GSTCD: variants seen among roughly 807,000 people sequenced by gnomAD.
GSTCD encodes glutathione S-transferase C-terminal domain-containing protein.
Under a neutral mutation model 68.3 loss-of-function variants are expected in GSTCD, and 44 were observed. The observed-to-expected ratio is 0.64, with a 90% CI of 0.51 to 0.83. GSTCD has a LOEUF of 0.83. Ranked by LOEUF, GSTCD falls within the 40% of genes least tolerant of loss-of-function variation. The pLI is 0.00. For synonymous variants in GSTCD, 273 were observed against 255.2 expected (o/e 1.07, Z -0.67); for missense variants, 739 against 735.9 (o/e 1.00, Z -0.05).
chr4:105,723,705 TTAAATAATATGTAAAAAAATATA>T (rs1300728454), intron 3 of GSTCD, among the ~76,000 whole-genome samples: 1 of 151,678 alleles, frequency 6.6e-6, no homozygotes, highest in Non-Finnish European at 1.5e-5. Flanking sequence ...ATGTATATCT[TTAAATAATATGTAAAAAAATATA>T]TAAATAATTA....
At chr4:105,795,008 G>A (rs997254660) in intron 5 of GSTCD, among the ~76,000 whole-genome samples, 1 of 151,692 alleles carries the variant, frequency 6.6e-6, no homozygotes, top group Non-Finnish European at 1.5e-5. Context: ...CTGAGTAGCT[G>A]GGATTACAGG....
chr4:105,822,823 A>ATATG (rs1012808490), intron 5 of GSTCD, 131 bp from the exon 6 acceptor site: 20 of 552,994 alleles, frequency 3.6e-5, no homozygotes, highest in East Asian at 3.5e-4. Context: ...TTATTATTTT[A>ATATG]TATGTATGTA....
intron 5 of GSTCD, among the ~76,000 whole-genome samples, chr4:105,757,148 A>G (rs1465831751): frequency 1.3e-5 from 2 of 152,168 alleles, no homozygotes; most frequent in Non-Finnish European, 2.9e-5. Context: ...ACTTTCAGTG[A>G]CCATACCTGT....
At chr4:105,733,784 A>G (rs1431488621) in intron 5 of GSTCD, among the ~76,000 whole-genome samples, 7 of 152,152 alleles carry the variant, frequency 4.6e-5, no homozygotes, top group Admixed American at 2.0e-4. Flanking sequence ...CCTAGCCTGG[A>G]TGTTCTTTAC....
chr4:105,721,160 G>C (rs1732847040), intron 3 of GSTCD, among the ~76,000 whole-genome samples: 1 of 152,068 alleles, frequency 6.6e-6, no homozygotes, highest in Non-Finnish European at 1.5e-5. Flanking sequence ...TTTAAGTAGA[G>C]ATGGGGTTTC....
At chr4:105,716,481 A>C (rs1485839838) in intron 1 of GSTCD, among the ~76,000 whole-genome samples, 1 of 152,180 alleles carries the variant, frequency 6.6e-6, no homozygotes, top group Non-Finnish European at 1.5e-5. Context: ...ACCCCACCTC[A>C]AAGTGGGAGG....
intron 3 of GSTCD, 112 bp from the exon 4 acceptor site, chr4:105,726,464 CATT>C (rs34096555): frequency 0.022 from 14,287 of 661,924 alleles, 921 homozygotes; most frequent in African/African-American, 0.18. Flanking sequence ...TACTACAACT[CATT>C]GTTTGAACTA....
At chr4:105,817,860 T>C (rs1017074821) in intron 5 of GSTCD, among the ~76,000 whole-genome samples, 2 of 151,934 alleles carry the variant, frequency 1.3e-5, no homozygotes, top group Non-Finnish European at 2.9e-5. Context: ...GTTTTATAGT[T>C]GACTTCTTTT....
chr4:105,756,486 C>G (rs931075296), intron 5 of GSTCD, among the ~76,000 whole-genome samples: 10 of 111,518 alleles, frequency 9.0e-5, no homozygotes, highest in African/African-American at 3.6e-4. Context: ...TAGCAGAGAC[C>G]TATGCACATA....
At chr4:105,750,210 T>A (rs1157850298) in intron 5 of GSTCD, among the ~76,000 whole-genome samples, 1 of 152,138 alleles carries the variant, frequency 6.6e-6, no homozygotes, top group African/African-American at 2.4e-5. Context: ...ACGCCTGTAA[T>A]CCCAGCACTT....
chr4:105,716,431 C>T (rs1290603184), intron 1 of GSTCD, among the ~76,000 whole-genome samples: 1 of 152,140 alleles, frequency 6.6e-6, no homozygotes, highest in Non-Finnish European at 1.5e-5. Flanking sequence ...GTCCCCAACC[C>T]CTGGGCCCAG....
At chr4:105,808,776 C>T (rs11097901) in intron 5 of GSTCD, among the ~76,000 whole-genome samples, 8,890 of 152,132 alleles carry the variant, frequency 0.058, 287 homozygotes, top group Middle Eastern at 0.14. Flanking sequence ...TTAAATAGCA[C>T]ATCATTCTAA....
chr4:105,711,092 G>T (rs1560788514), intron 1 of GSTCD: 1 of 152,040 alleles, frequency 6.6e-6, no homozygotes, highest in East Asian at 1.9e-4. Flanking sequence ...GTTTTGTTTT[G>T]TTTTGGTTAA....
chr4:105,752,502 G>A (rs1020293227), intron 5 of GSTCD, among the ~76,000 whole-genome samples: 3 of 152,018 alleles, frequency 2.0e-5, no homozygotes, highest in South Asian at 2.1e-4. Flanking sequence ...TATTTGATGC[G>A]AGGAAACATC....
chr4:105,762,494 G>C (rs889876529), intron 5 of GSTCD, among the ~76,000 whole-genome samples: 1 of 152,168 alleles, frequency 6.6e-6, no homozygotes, highest in East Asian at 1.9e-4. Flanking sequence ...TACCTGACCT[G>C]GTTCATGTGT....
intron 5 of GSTCD, among the ~76,000 whole-genome samples, chr4:105,787,168 C>G (rs1735498059): frequency 6.6e-6 from 1 of 151,974 alleles, no homozygotes; most frequent in Admixed American, 6.5e-5. Flanking sequence ...AGTTTGGAGA[C>G]CACTGTCTTA....
At position 105,847,520 on chromosome 4, in the gene GSTCD, T is replaced by C. The variant is rs927267493; in HGVS notation, c.*1943T>C. 2 of 152,196 alleles carry C rather than the reference T, an allele frequency of 1.3e-5. No individual in the cohort carries two copies. Among genetic ancestry groups the C allele is most frequent in the Non-Finnish European group, 1.5e-5 (1 of 68,032 alleles). The allele number at this position is 152,196 out of a possible 1,614,324, so 9.4% of individuals were successfully genotyped here. ...ATGTTTTGACAACTGTATATATACA[T>C]GTAACCATCACTGGAATCAGATATA... On this transcript the variant is annotated 3_prime_UTR_variant, in exon 12 of 12. Coordinates refer to ENST00000515279, the MANE Select transcript of GSTCD (RefSeq NM_001370181.1).
Position 105,740,117 on chromosome 4 carries a change from T to C in GSTCD, c.1240+10618T>C, listed in dbSNP as rs532133716. 2.0e-5 allele frequency among the ~76,000 whole-genome samples: 3 copies of C among 152,044 alleles called. No homozygotes were observed. In the East Asian group the frequency reaches 5.8e-4, roughly 29 times the overall value. ...CCTCCAAGCAACACTCCAACATTAG[T>C]TCCAGTTTGCAGATGGCATTGTGCA... On this transcript the variant is annotated intron_variant, in intron 5 of 11. Coordinates refer to ENST00000515279, the MANE Select transcript of GSTCD (RefSeq NM_001370181.1).
chr4:105,761,596 A>G (rs536996438), intron 5 of GSTCD: 2 of 152,160 alleles, frequency 1.3e-5, no homozygotes, highest in Non-Finnish European at 2.9e-5. Flanking sequence ...TTTCTTTCAC[A>G]TAAGGACTAC....
Sources: gnomAD v4.1 joint callset for allele counts (sites outside exome capture counted in the v4.1 genomes callset) on GRCh38, gnomAD v4.1.1 for gene constraint, MANE v1.5 for transcripts, NCBI Gene and HGNC (gene_info 2026-07-23, HGNC 2026-07-21) for gene names.